The following KCNN2 variants were observed in gnomAD, a reference collection of about 807,000 sequenced individuals.
KCNN2 encodes small conductance calcium-activated potassium channel protein 2.
A neutral mutation model predicts 55.5 loss-of-function variants in KCNN2; 24 were observed. That is an observed-to-expected ratio of 0.43 (90% CI 0.31 to 0.61). KCNN2 has a LOEUF of 0.61. Among genes scored for constraint, KCNN2 ranks in the 20% least tolerant of loss-of-function variants. The pLI is 0.08. For synonymous variants in KCNN2, 431 were observed against 336.1 expected (o/e 1.28, Z -3.09); for missense variants, 754 against 853.6 (o/e 0.88, Z 1.45).
At chr5:114,185,583 T>C (rs1181715238) in intron 1 of KCNN2, among the ~76,000 whole-genome samples, 1 of 152,224 alleles carries the variant, frequency 6.6e-6, no homozygotes, top group African/African-American at 2.4e-5. Flanking sequence ...CCTATCTTTT[T>C]CCTTCTCACC....
intron 1 of KCNN2, among the ~76,000 whole-genome samples, chr5:114,063,940 G>C (rs1750384656): frequency 6.6e-6 from 1 of 152,224 alleles, no homozygotes; most frequent in South Asian, 2.1e-4. Flanking sequence ...GTAACCACAT[G>C]TAACAGAGGC....
At chr5:114,074,816 T>C (rs1179664876) in intron 1 of KCNN2, among the ~76,000 whole-genome samples, 4 of 151,672 alleles carry the variant, frequency 2.6e-5, no homozygotes, top group Non-Finnish European at 4.4e-5. Context: ...AGAAAGTCAG[T>C]CCCTTTAAAC....
chr5:114,261,981 G>A (rs1407583844), intron 2 of KCNN2, among the ~76,000 whole-genome samples: 1 of 152,166 alleles, frequency 6.6e-6, no homozygotes, highest in Non-Finnish European at 1.5e-5. Flanking sequence ...TTCAAAACAA[G>A]CAAAGTGTGC....
At chr5:114,460,554 G>GATA (rs1761146357) in intron 3 of KCNN2, among the ~76,000 whole-genome samples, 1 of 152,082 alleles carries the variant, frequency 6.6e-6, no homozygotes, top group South Asian at 2.1e-4. Context: ...GGCCTAGCTA[G>GATA]TTATTAATAA....
Position 114,215,721 on chromosome 5 carries a change from TG to T in KCNN2, c.-270-5758del, listed in dbSNP as rs538948385. On this transcript the variant is annotated intron_variant, in intron 1 of 10. Coordinates refer to the KCNN2 transcript ENST00000512097. ...AAGAGACAAGATGGCAATAATCGACTGTTTTCTTATAACTAAATGAACATCA... is the reference window on the plus strand; with the variant it reads ...AAGAGACAAGATGGCAATAATCGACTTTTTCTTATAACTAAATGAACATCA... 3.5e-3 allele frequency among the ~76,000 whole-genome samples: 537 copies of T among 152,272 alleles called. 4 individuals carry two copies. The highest frequency in any genetic ancestry group is 6.8e-3 in the Middle Eastern group (2 of 294).
intron 1 of KCNN2, among the ~76,000 whole-genome samples, chr5:114,196,065 A>AT (rs569611529): frequency 1.8e-4 from 27 of 152,048 alleles, no homozygotes; most frequent in African/African-American, 6.5e-4. Context: ...TCCCAATTCA[A>AT]TTGTCTTGGC....
chr5:114,105,010 T>C (rs1476516618), intron 1 of KCNN2, among the ~76,000 whole-genome samples: 1 of 152,090 alleles, frequency 6.6e-6, no homozygotes, highest in East Asian at 1.9e-4. Flanking sequence ...TGTCTTCTCT[T>C]CTGATTCATT....
intron 1 of KCNN2, among the ~76,000 whole-genome samples, chr5:114,124,882 C>T (rs1751899773): frequency 6.6e-6 from 1 of 152,118 alleles, no homozygotes; most frequent in Admixed American, 6.6e-5. Flanking sequence ...TTTCTTCTCA[C>T]TATTATCACA....
At chr5:114,369,377 C>T (rs1420789755) in intron 2 of KCNN2, among the ~76,000 whole-genome samples, 1 of 152,116 alleles carries the variant, frequency 6.6e-6, no homozygotes, top group East Asian at 1.9e-4. Context: ...AAATGTTTCC[C>T]AAGTTTTATT....
chr5:114,469,868 T>G (rs541622284), intron 4 of KCNN2, among the ~76,000 whole-genome samples: 1 of 152,286 alleles, frequency 6.6e-6, no homozygotes, highest in Admixed American at 6.5e-5. Context: ...TTTATTAATC[T>G]AGGGAAGTAT....
intron 2 of KCNN2, among the ~76,000 whole-genome samples, chr5:114,389,716 C>T (rs1411085564): frequency 6.6e-6 from 1 of 152,206 alleles, no homozygotes; most frequent in Middle Eastern, 3.4e-3. Flanking sequence ...TAAACTAGGA[C>T]GTAGTCTATT....
chr5:114,114,876 A>G (rs1248709920), intron 1 of KCNN2, among the ~76,000 whole-genome samples: 1 of 152,176 alleles, frequency 6.6e-6, no homozygotes, highest in Non-Finnish European at 1.5e-5. Context: ...ACACAGCAAT[A>G]CAGGATTAAC....
At chr5:114,380,528 C>T (rs893443920) in intron 2 of KCNN2, among the ~76,000 whole-genome samples, 1 of 152,276 alleles carries the variant, frequency 6.6e-6, no homozygotes, top group Non-Finnish European at 1.5e-5. Flanking sequence ...TAGGTGTGAG[C>T]TTCAGTTTGT....
intron 2 of KCNN2, among the ~76,000 whole-genome samples, chr5:114,233,221 A>G (rs550906441): frequency 7.6e-4 from 115 of 151,944 alleles, no homozygotes; most frequent in Admixed American, 2.3e-3. Flanking sequence ...CGCCCGGCCT[A>G]TTGTTTCTTG....
chr5:114,404,937 G>T, intron 3 of KCNN2, 81 bp downstream of exon 3: 1 of 1,225,450 alleles, frequency 8.2e-7, no homozygotes. Context: ...TTAGACTTGA[G>T]ACGTGTAGTG....
At chr5:114,416,341 T>C (rs1425404898) in intron 3 of KCNN2, among the ~76,000 whole-genome samples, 1 of 152,078 alleles carries the variant, frequency 6.6e-6, no homozygotes, top group Admixed American at 6.5e-5. Context: ...ATTTGCAATG[T>C]GTCTGACCCC....
At chr5:114,088,823 G>T (rs1163184602) in intron 1 of KCNN2, among the ~76,000 whole-genome samples, 1 of 152,106 alleles carries the variant, frequency 6.6e-6, no homozygotes, top group Non-Finnish European at 1.5e-5. Flanking sequence ...GTTTTACCAT[G>T]TTGGTCAGAC....
Position 114,137,694 on chromosome 5 carries a change from A to G in KCNN2, c.-271+81194A>G, listed in dbSNP as rs183766593. On this transcript the variant is annotated intron_variant, in intron 1 of 10. Transcript: ENST00000512097. ...AGGTTCTGACTGCCTCATTGGCTCT[A>G]GAAATCTAGAAGAAATCAAAAAGTA... 2.2e-4 allele frequency among the ~76,000 whole-genome samples: 33 copies of G among 152,324 alleles called. No homozygotes were observed. The South Asian group carries it at 4.8e-3, about 22-fold the overall frequency.
At chr5:114,463,284 C>A (rs918407933) in intron 4 of KCNN2, 94 bp downstream of exon 4, 2 of 931,572 alleles carry the variant, frequency 2.1e-6, no homozygotes, top group African/African-American at 3.4e-5. Context: ...TGAGCTACTT[C>A]TTTTCCCATC....
Sources: allele counts gnomAD v4.1 joint callset (sites outside exome capture counted in the v4.1 genomes callset), GRCh38; gene constraint gnomAD v4.1.1; transcripts MANE v1.5; gene names NCBI Gene and HGNC (gene_info 2026-07-23, HGNC 2026-07-21).